The following FBXW12 variants were observed in gnomAD, a reference collection of about 807,000 sequenced individuals.
FBXW12 encodes the protein F-box and WD repeat domain containing 12, also known as F-box/WD repeat-containing protein 12.
Under a neutral mutation model 55.3 loss-of-function variants are expected in FBXW12, and 43 were observed. The ratio of observed to expected loss-of-function variants is 0.78; its 90% CI spans 0.61 to 1.00. The LOEUF is 1.00. FBXW12 is among the 50% of genes least tolerant of loss of function. FBXW12 has a pLI of 0.00. For missense variants in FBXW12, 524 were observed against 560.5 expected (o/e 0.93, Z 0.66); for synonymous variants, 184 against 203.8 (o/e 0.90, Z 0.83).
intron 7 of FBXW12, among the ~76,000 whole-genome samples, 195 bp from the exon 8 acceptor site, chr3:48,380,507 G>C (rs995211026): frequency 1.3e-5 from 2 of 152,138 alleles, no homozygotes; most frequent in Non-Finnish European, 2.9e-5. Flanking sequence ...TCTGTGAATG[G>C]GACAGGAAGA....
intron 4 of FBXW12, 78 bp downstream of exon 4, chr3:48,373,783 A>C (rs1409736283): frequency 7.4e-7 from 1 of 1,350,044 alleles, no homozygotes; most frequent in Non-Finnish European, 1.0e-6. Flanking sequence ...TGCTGTGTGC[A>C]GTTGTGTATT....
intron 4 of FBXW12, 138 bp downstream of exon 4, chr3:48,373,843 C>T (rs939819091): frequency 2.5e-5 from 19 of 748,664 alleles, no homozygotes; most frequent in East Asian, 1.3e-4. Context: ...ACTGGGTTGC[C>T]GTGATAGCCA....
rs1249321611 is a variant in FBXW12 at position 48,372,249 on chromosome 3, G to A, written c.-156G>A. The A allele has an allele frequency of 8.4e-6, 13 of 1,551,500 alleles. No individual in the cohort carries two copies. In the Middle Eastern group the frequency reaches 5.0e-4, roughly 60 times the overall value. On this transcript the variant is annotated 5_prime_UTR_variant, in exon 1 of 11. Transcript: ENST00000296438. ...TCTCCTCCACTGCAAAGTTAAATGC[G>A]AGAAGGTAGAAACCCAGAGGCCATG...
intron 4 of FBXW12, among the ~76,000 whole-genome samples, chr3:48,374,764 C>CTTTT (rs66751439): frequency 1.9e-4 from 16 of 82,646 alleles, no homozygotes; most frequent in East Asian, 4.0e-4. Context: ...CCTGATAACA[C>CTTTT]TTTTTTTTTT....
chr3:48,375,398 G>A lies in FBXW12; in HGVS notation c.331G>A (p.Val111Met). ...TTATCTCTCAGGAAATAGACTTACA[G>A]TGGATGAACAGGAGAAATCAATCAT... is the stretch of plus-strand genomic sequence containing the variant. ...LAYLSGNRLTVDEQEKSIICS... is the reference protein window; with the variant it reads ...LAYLSGNRLTMDEQEKSIICS... Residue 111 changes from valine (V) to methionine (M), a missense_variant, in exon 5 of 11, where the codon GTG (valine) becomes ATG (methionine). Transcript: ENST00000296438. The A allele has an allele frequency of 6.2e-7, 1 of 1,612,856 alleles. No individual in the cohort carries two copies. Among genetic ancestry groups the A allele is most frequent in the African/African-American group, 1.3e-5 (1 of 74,966 alleles).
intron 7 of FBXW12, 88 bp downstream of exon 7, chr3:48,379,646 AGG>A: frequency 1.9e-6 from 2 of 1,067,958 alleles, no homozygotes; most frequent in Admixed American, 1.8e-5. Flanking sequence ...AGTGAGGACC[AGG>A]CACACTGCTC....
chr3:48,385,364 GTGTGTGTA>G (rs913627083), intron 10 of FBXW12, among the ~76,000 whole-genome samples: 1 of 149,790 alleles, frequency 6.7e-6, no homozygotes, highest in African/African-American at 2.5e-5. Context: ...GTGTGTGTGT[GTGTGTGTA>G]TGTATCTACA....
At chr3:48,386,944 T>C (rs1052135523) in intron 10 of FBXW12, among the ~76,000 whole-genome samples, 31 of 150,238 alleles carry the variant, frequency 2.1e-4, no homozygotes, top group African/African-American at 3.2e-4. Flanking sequence ...TCTTCTTCTT[T>C]TTTTTTTTTT....
At chr3:48,394,534 T>C (rs778223493) in intron 10 of FBXW12, 26 bp from the exon 11 acceptor site, 9 of 1,356,748 alleles carry the variant, frequency 6.6e-6, no homozygotes, top group Non-Finnish European at 9.4e-6. Flanking sequence ...TTTTGTTCAC[T>C]GATGATCTTA....
chr3:48,380,803 G>C lies in FBXW12; in HGVS notation c.876G>C (p.Lys292Asn). The C allele has an allele frequency of 6.2e-7, 1 of 1,614,060 alleles. No homozygotes were observed. The highest frequency in any genetic ancestry group is 8.5e-7 in the Non-Finnish European group (1 of 1,179,996). Reference protein sequence around the residue: ...KLCASACWTPKVKNRITLMSQ... With the variant: ...KLCASACWTPNVKNRITLMSQ... The stretch of plus-strand genomic sequence containing the variant: ...GTGCCAGCGCCTGCTGGACCCCAAA[G>C]GTGAAAAACAGGATAACACTGATGT... Residue 292 changes from lysine (K) to asparagine (N), a missense_variant, in exon 8 of 11, where the codon AAG becomes AAC. Coordinates refer to ENST00000296438, the MANE Select transcript of FBXW12 (RefSeq NM_207102.2).
intron 10 of FBXW12, 39 bp downstream of exon 10, chr3:48,382,124 C>CTT (rs750293056): frequency 3.4e-5 from 42 of 1,250,122 alleles, no homozygotes; most frequent in Admixed American, 8.3e-5. Flanking sequence ...CCCTAAACAA[C>CTT]TTTTTTTTTT....
intron 10 of FBXW12, among the ~76,000 whole-genome samples, chr3:48,393,662 G>A (rs556233092): frequency 2.6e-5 from 4 of 152,254 alleles, no homozygotes; most frequent in East Asian, 1.9e-4. Flanking sequence ...AATGGCTCAC[G>A]CCTGTAATCC....
At chr3:48,380,081 T>C (rs1039429573) in intron 7 of FBXW12, 2 of 153,078 alleles carry the variant, frequency 1.3e-5, no homozygotes, top group African/African-American at 4.9e-5. Flanking sequence ...GGAATGCACC[T>C]GTGAATAGTC....
chr3:48,385,338 T>TTGTGTG (rs60689779), intron 10 of FBXW12, among the ~76,000 whole-genome samples: 2,198 of 148,966 alleles, frequency 0.015, 11 homozygotes, highest in South Asian at 0.036. Flanking sequence ...TGGTATTCCA[T>TTGTGTG]TGTGTGTGTG....
intron 4 of FBXW12, among the ~76,000 whole-genome samples, chr3:48,374,764 C>CTTTTT (rs66751439): frequency 1.2e-5 from 1 of 82,676 alleles, no homozygotes; most frequent in African/African-American, 4.9e-5. Flanking sequence ...CCTGATAACA[C>CTTTTT]TTTTTTTTTT....
intron 10 of FBXW12, among the ~76,000 whole-genome samples, chr3:48,391,205 G>A (rs1051369185): frequency 6.6e-6 from 1 of 151,258 alleles, no homozygotes; most frequent in African/African-American, 2.4e-5. Flanking sequence ...GATCACTTGA[G>A]CCCAGAGGTT....
At chr3:48,393,100 A>G (rs1332111284) in intron 10 of FBXW12, among the ~76,000 whole-genome samples, 3 of 151,188 alleles carry the variant, frequency 2.0e-5, no homozygotes, top group African/African-American at 7.3e-5. Flanking sequence ...GTTTCAAGCA[A>G]TTCTTCTGCC....
intron 5 of FBXW12, among the ~76,000 whole-genome samples, chr3:48,377,286 T>C (rs1325787031): frequency 6.6e-6 from 1 of 152,168 alleles, no homozygotes; most frequent in Non-Finnish European, 1.5e-5. Flanking sequence ...CAATAGGATA[T>C]TGTGGAAATT....
intron 1 of FBXW12, 45 bp from the exon 2 acceptor site, chr3:48,372,639 T>A: frequency 6.3e-7 from 1 of 1,575,656 alleles, no homozygotes; most frequent in Non-Finnish European, 8.6e-7. Context: ...ACCTGCAGCT[T>A]GTTTCTACCG....
Sources: allele counts gnomAD v4.1 joint callset (sites outside exome capture counted in the v4.1 genomes callset), GRCh38; gene constraint gnomAD v4.1.1; transcripts MANE v1.5; gene names NCBI Gene and HGNC (gene_info 2026-07-23, HGNC 2026-07-21).